ABCC5: variants seen among roughly 807,000 people sequenced by gnomAD.
ABCC5 encodes the protein ATP-binding cassette sub-family C member 5.
ABCC5 carries 61 observed loss-of-function variants against 160.9 expected under a neutral mutation model. The observed-to-expected ratio is 0.38, with a 90% CI of 0.31 to 0.47. The LOEUF is 0.47. Ranked by LOEUF, ABCC5 falls within the 20% of genes least tolerant of loss-of-function variation. The pLI is 0.99. For synonymous variants in ABCC5, 666 were observed against 700.6 expected, an observed-to-expected ratio of 0.95 and a Z score of 0.78; for missense variants, 1,308 against 1,813.3, an observed-to-expected ratio of 0.72 and a Z score of 5.06.
chr3:183,981,715 C>T lies in ABCC5; in HGVS notation c.1147+12G>A, dbSNP rs1560029739. On this transcript the variant is annotated intron_variant, in intron 8 of 29. Coordinates refer to ENST00000334444, the MANE Select transcript of ABCC5 (RefSeq NM_005688.4). The stretch of plus-strand genomic sequence containing the variant: ...CTTCTACCACATGCACATACAAAAT[C>T]TTTAAACTCACTTTGAACACTCTGA... The T allele has an allele frequency of 6.2e-7, 1 of 1,608,556 alleles. No individual in the cohort carries two copies. Among genetic ancestry groups the T allele is most frequent in the Non-Finnish European group, 8.5e-7 (1 of 1,178,634 alleles).
intron 25 of ABCC5, 57 bp from the exon 26 acceptor site, chr3:183,938,117 T>G: frequency 6.3e-7 from 1 of 1,578,206 alleles, no homozygotes. Context: ...GTGAGGACAA[T>G]GCTGGTTTAG....
rs1714792074 is a variant in ABCC5, at chr3:183,945,857, T to C, written c.3497A>G (p.Tyr1166Cys). The change falls in exon 24 of 30, where the codon TAC becomes TGC. Residue 1166 changes from tyrosine (Y) to cysteine (C), a missense_variant. This residue lies in a region of ABCC5 where 1,142 missense variants were observed against 1,527.1 expected (regional missense o/e 0.75). Coordinates refer to ENST00000334444, the MANE Select transcript of ABCC5 (RefSeq NM_005688.4). ...GGCCTACAGCAGTCTGACCTTAATG[T>C]AGTGATTGATCCTCTCCACCGAGGT... ...RFTSVERINH[Y>C]IKTLSLEAPA... 4 of 1,613,906 alleles carry C rather than the reference T, an allele frequency of 2.5e-6. No homozygotes were observed. Among genetic ancestry groups the C allele is most frequent in the Non-Finnish European group, 2.5e-6 (3 of 1,179,842 alleles).
At chr3:183,993,733 T>C (rs1387679681) in intron 2 of ABCC5, among the ~76,000 whole-genome samples, 1 of 152,160 alleles carries the variant, frequency 6.6e-6, no homozygotes, top group Non-Finnish European at 1.5e-5. Context: ...TGGCAAAATA[T>C]ATATAACATA....
At chr3:183,947,202 T>C (rs2108790230) in intron 23 of ABCC5, 122 bp downstream of exon 23, 1 of 1,098,540 alleles carries the variant, frequency 9.1e-7, no homozygotes, top group Non-Finnish European at 1.2e-6. Context: ...CCATGAGCAA[T>C]TCTAGGGGTC....
chr3:183,927,638 T>A (rs1374958586), intron 27 of ABCC5, 195 bp from the exon 28 acceptor site: 3 of 985,330 alleles, frequency 3.0e-6, no homozygotes, highest in African/African-American at 1.7e-5. Flanking sequence ...CTGATTCCAA[T>A]AGACTATTCT....
In ABCC5 at chr3:183,945,958, A is replaced by C. The variant is rs1226373147; in HGVS notation, c.3415-19T>G. On this transcript the variant is annotated intron_variant, in intron 23 of 29. Coordinates refer to ENST00000334444, the MANE Select transcript of ABCC5 (RefSeq NM_005688.4). Reference sequence around the variant, plus strand: ...CCGTTAACTGATAATGGAAAACAACAATCAAAGAGATAATTCATTATCAAT... The same window carrying C: ...CCGTTAACTGATAATGGAAAACAACCATCAAAGAGATAATTCATTATCAAT... 5 of 1,605,634 alleles carry C rather than the reference A, an allele frequency of 3.1e-6. No homozygotes were observed. In the African/African-American group the frequency reaches 5.4e-5, roughly 17 times the overall value.
At chr3:183,935,145 C>T (rs976536805) in intron 26 of ABCC5, among the ~76,000 whole-genome samples, 6 of 151,944 alleles carry the variant, frequency 3.9e-5, no homozygotes, top group African/African-American at 1.2e-4. Context: ...TCCCAAAGTG[C>T]TGGGATTACA....
chr3:184,014,093 G>A (rs1334547533), intron 2 of ABCC5, among the ~76,000 whole-genome samples, 171 bp downstream of exon 2: 1 of 151,832 alleles, frequency 6.6e-6, no homozygotes, highest in African/African-American at 2.4e-5. Flanking sequence ...GGCTGGTCTC[G>A]AACTCCTGAC....
In ABCC5 at chr3:183,988,644, T is replaced by C. The variant is rs371652174; in HGVS notation, c.371A>G (p.Lys124Arg). 2 of 1,614,216 alleles carry C rather than the reference T, an allele frequency of 1.2e-6. No individual in the cohort carries two copies. Among genetic ancestry groups the C allele is most frequent in the South Asian group, 1.1e-5 (1 of 91,090 alleles). ...WLSSLARVAH[K>R]KGELSMEDVW... ...GTCTTCCATTGAGAGCTCCCCCTTC[T>C]TGTGGGCCACACGGGCCAGAGAAGA... Residue 124 changes from lysine (K) to arginine (R), a missense_variant, in exon 4 of 30, where the codon AAG becomes AGG. This residue lies in a region of ABCC5 where 1,142 missense variants were observed against 1,527.1 expected (regional missense o/e 0.75). Transcript: ENST00000334444. The surrounding 1 kb of genome is among the most constrained non-coding windows in gnomAD (Gnocchi z 4.4).
chr3:184,013,371 T>G (rs1043185483), intron 2 of ABCC5, among the ~76,000 whole-genome samples: 15 of 152,078 alleles, frequency 9.9e-5, no homozygotes, highest in African/African-American at 1.7e-4. Flanking sequence ...TTCTCCTGCC[T>G]CCCTCCTGAG....
chr3:184,013,656 C>A (rs1286785477), intron 2 of ABCC5, among the ~76,000 whole-genome samples: 2 of 152,108 alleles, frequency 1.3e-5, no homozygotes, highest in Non-Finnish European at 2.9e-5. Context: ...CTGTCATTGA[C>A]CCCATGACCC....
chr3:183,996,946 A>G (rs1390858700), intron 2 of ABCC5, among the ~76,000 whole-genome samples: 1 of 152,182 alleles, frequency 6.6e-6, no homozygotes, highest in East Asian at 1.9e-4. Context: ...GGAAAATGAA[A>G]TATCTGATGG....
chr3:184,009,733 ATTG>A (rs1033327078), intron 2 of ABCC5, among the ~76,000 whole-genome samples: 1 of 152,206 alleles, frequency 6.6e-6, no homozygotes, highest in Admixed American at 6.5e-5. Context: ...CTATGGGCTT[ATTG>A]TTGTTGTTTT....
At position 183,987,458 on chromosome 3, in the gene ABCC5, A is replaced by T. The variant is rs527752266; in HGVS notation, c.591+312T>A. On this transcript the variant is annotated intron_variant, in intron 5 of 29. Transcript: ENST00000334444. This position sits in a 1 kb window ranked among gnomAD's most constrained non-coding sequence, Gnocchi z 4.2. The stretch of plus-strand genomic sequence containing the variant: ...TCACCCACTCATAGCACTGCAAGAC[A>T]CATCTGCCTGCACCGACTGTCAGTT... 8.4e-6 allele frequency: 5 copies of T among 593,128 alleles called. No homozygotes were observed. The Admixed American group carries it at 9.0e-5, about 11-fold the overall frequency. 36.7% of individuals were successfully genotyped at this position (593,128 alleles called of 1,614,324 possible).
At chr3:183,972,036 T>C in intron 10 of ABCC5, 117 bp from the exon 11 acceptor site, 1 of 1,574,066 alleles carries the variant, frequency 6.4e-7, no homozygotes, top group Non-Finnish European at 8.6e-7. Flanking sequence ...GGAAGGAAGC[T>C]GAAGGGCAAA....
intron 5 of ABCC5, chr3:183,984,744 G>A (rs1013582950): frequency 1.3e-6 from 2 of 1,536,520 alleles, no homozygotes; most frequent in Non-Finnish European, 8.7e-7. Context: ...AAGAAGATTG[G>A]CTTCTTTTCC....
chr3:183,990,093 G>A (rs147119886), intron 2 of ABCC5, among the ~76,000 whole-genome samples: 39 of 150,556 alleles, frequency 2.6e-4, no homozygotes, highest in African/African-American at 8.3e-4. Context: ...ATGAGCCACC[G>A]CGCCCGGCCC....
chr3:183,920,210 C>T lies in ABCC5; in HGVS notation c.*1090G>A, dbSNP rs184559648. ...TACGCCAGTGTGAGACACTGATTAGCAAGAGCTGCTTAAAGTTGCAGACTT... is the reference window on the plus strand; with the variant it reads ...TACGCCAGTGTGAGACACTGATTAGTAAGAGCTGCTTAAAGTTGCAGACTT... On this transcript the variant is annotated 3_prime_UTR_variant, in exon 30 of 30. Coordinates refer to ENST00000334444, the MANE Select transcript of ABCC5 (RefSeq NM_005688.4). The surrounding 1 kb of genome is among the most constrained non-coding windows in gnomAD (Gnocchi z 4.1). 5 of 152,696 alleles carry T rather than the reference C, an allele frequency of 3.3e-5. No homozygotes were observed. The East Asian group carries it at 9.7e-4, about 30-fold the overall frequency. 9.5% of individuals were successfully genotyped at this position (152,696 alleles called of 1,614,324 possible).
In ABCC5 at chr3:183,951,714, A is replaced by G; in HGVS notation, c.2814+143T>C. ...ACAGGTGGCAAGTGAGAAAAGGTGG[A>G]GGCTAACGGAATATGAGTCATCTCA... On this transcript the variant is annotated intron_variant, in intron 19 of 29. Transcript: ENST00000334444. The surrounding 1 kb of genome is among the most constrained non-coding windows in gnomAD (Gnocchi z 4.7). The G allele has an allele frequency of 6.8e-7, 1 of 1,459,868 alleles. No individual in the cohort carries two copies. Among genetic ancestry groups the G allele is most frequent in the Non-Finnish European group, 9.3e-7 (1 of 1,077,620 alleles). The allele number at this position is 1,459,868 out of a possible 1,614,324, so 90.4% of individuals were successfully genotyped here.
Sources: allele counts gnomAD v4.1 joint callset (sites outside exome capture counted in the v4.1 genomes callset), GRCh38; gene constraint gnomAD v4.1.1; regional missense constraint gnomAD v4.1.1; non-coding constraint Gnocchi (gnomAD v3.1); transcripts MANE v1.5; gene names NCBI Gene and HGNC (gene_info 2026-07-23, HGNC 2026-07-21).